TMEM135: variants seen among roughly 807,000 people sequenced by gnomAD.
TMEM135 encodes the protein transmembrane protein 135.
TMEM135 carries 30 observed loss-of-function variants against 60.3 expected under a neutral mutation model. The ratio of observed to expected loss-of-function variants is 0.50; its 90% CI spans 0.37 to 0.68. The LOEUF is 0.68. Ranked by LOEUF, TMEM135 falls within the 30% of genes least tolerant of loss-of-function variation. TMEM135 has a pLI of 0.00. For missense variants in TMEM135, 468 were observed against 548.8 expected (o/e 0.85, Z 1.47); for synonymous variants, 190 against 186.7 (o/e 1.02, Z -0.14).
At chr11:87,230,340 ACAG>A (rs757284697) in intron 5 of TMEM135, among the ~76,000 whole-genome samples, 13 of 152,100 alleles carry the variant, frequency 8.5e-5, no homozygotes, top group Non-Finnish European at 1.6e-4. Flanking sequence ...AAAAGTGAAA[ACAG>A]CAATTTCAGA....
intron 5 of TMEM135, among the ~76,000 whole-genome samples, chr11:87,209,008 C>A (rs1260576338): frequency 6.6e-6 from 1 of 152,154 alleles, no homozygotes; most frequent in Non-Finnish European, 1.5e-5. Flanking sequence ...TTCAGACAAG[C>A]AAACGCTAAA....
At chr11:87,157,516 T>A (rs542126969) in intron 5 of TMEM135, 110 bp downstream of exon 5, 26 of 935,630 alleles carry the variant, frequency 2.8e-5, no homozygotes, top group South Asian at 7.0e-5. Context: ...TAGAGAGATA[T>A]CTGATGTATA....
intron 1 of TMEM135, among the ~76,000 whole-genome samples, chr11:87,045,325 C>T (rs778936590): frequency 9.2e-5 from 14 of 152,146 alleles, no homozygotes; most frequent in South Asian, 4.1e-4. Context: ...CCACCGCACC[C>T]GGCTGAAGTT....
chr11:87,248,145 A>C (rs1219823197), intron 6 of TMEM135, among the ~76,000 whole-genome samples: 1 of 152,160 alleles, frequency 6.6e-6, no homozygotes, highest in Non-Finnish European at 1.5e-5. Flanking sequence ...GTTGTGAATA[A>C]TGCTGCAATA....
chr11:87,228,857 T>C (rs969530647), intron 5 of TMEM135, among the ~76,000 whole-genome samples: 1 of 152,168 alleles, frequency 6.6e-6, no homozygotes, highest in African/African-American at 2.4e-5. Context: ...CATGTTCACA[T>C]TTTTGATATT....
intron 5 of TMEM135, among the ~76,000 whole-genome samples, chr11:87,160,516 C>G (rs1049766088): frequency 6.6e-6 from 1 of 151,998 alleles, no homozygotes; most frequent in Non-Finnish European, 1.5e-5. Context: ...GGATTTGAAC[C>G]CTTGTCTCCA....
chr11:87,325,324 G>A lies in TMEM135; in HGVS notation c.*3991G>A, dbSNP rs1942896655. 2.2e-6 allele frequency: 1 copy of A among 453,994 alleles called. No homozygotes were observed. Among genetic ancestry groups the A allele is most frequent in the Non-Finnish European group, 4.4e-6 (1 of 226,802 alleles). 28.1% of individuals were successfully genotyped at this position (453,994 alleles called of 1,614,324 possible). A position where few individuals can be genotyped will look rare whatever the true frequency, so the allele number is the denominator to read the frequency against. On this transcript the variant is annotated 3_prime_UTR_variant, in exon 15 of 15. Transcript: ENST00000305494. ...GTAAGTTGGCCATGATATAGCTAGT[G>A]TCATAGGACTACAGCAGAGTAGTGA...
At chr11:87,152,181 CAGTT>C (rs1016696697) in intron 4 of TMEM135, among the ~76,000 whole-genome samples, 17 of 152,132 alleles carry the variant, frequency 1.1e-4, no homozygotes, top group Non-Finnish European at 2.5e-4. Flanking sequence ...ACTGTTAAGT[CAGTT>C]ACTCTCTTGT....
chr11:87,137,316 G>T (rs628447), intron 4 of TMEM135, among the ~76,000 whole-genome samples: 72,079 of 151,568 alleles, frequency 0.48, 17,431 homozygotes, highest in East Asian at 0.67. Flanking sequence ...ATTATTGACT[G>T]AGTTAAGTGA....
chr11:87,130,273 T>C (rs1263349100), intron 4 of TMEM135, among the ~76,000 whole-genome samples: 1 of 152,078 alleles, frequency 6.6e-6, no homozygotes, highest in African/African-American at 2.4e-5. Context: ...GCTGATCTTG[T>C]TTCATTTGTG....
chr11:87,286,323 A>AGATACAGAGG (rs1353771556), intron 6 of TMEM135, among the ~76,000 whole-genome samples: 1 of 150,168 alleles, frequency 6.7e-6, no homozygotes, highest in African/African-American at 2.5e-5. Context: ...CAGATTAGCT[A>AGATACAGAGG]GCTACAGAGT....
chr11:87,185,652 G>T (rs2135309120), intron 5 of TMEM135, among the ~76,000 whole-genome samples: 1 of 152,154 alleles, frequency 6.6e-6, no homozygotes, highest in African/African-American at 2.4e-5. Context: ...TGTTTATTAG[G>T]CTTGCAAAAT....
intron 4 of TMEM135, among the ~76,000 whole-genome samples, chr11:87,123,667 G>T (rs569477054): frequency 7.6e-4 from 116 of 152,292 alleles, no homozygotes; most frequent in Middle Eastern, 3.4e-3. Flanking sequence ...AGGTGGTGGG[G>T]TGGATTTAGC....
At chr11:87,285,496 C>T (rs987662312) in intron 6 of TMEM135, among the ~76,000 whole-genome samples, 2 of 151,988 alleles carry the variant, frequency 1.3e-5, no homozygotes, top group Non-Finnish European at 2.9e-5. Context: ...AGCTGCAGAC[C>T]TTCATGGTAA....
chr11:87,278,458 C>T (rs948841018), intron 6 of TMEM135, among the ~76,000 whole-genome samples: 2 of 151,782 alleles, frequency 1.3e-5, no homozygotes, highest in Non-Finnish European at 2.9e-5. Flanking sequence ...CTCCATCTCC[C>T]GGGTTCAAGT....
At chr11:87,057,565 G>A (rs1949905319) in intron 1 of TMEM135, among the ~76,000 whole-genome samples, 1 of 152,258 alleles carries the variant, frequency 6.6e-6, no homozygotes, top group East Asian at 1.9e-4. Context: ...AGAGAATCTT[G>A]CCTTAACTTC....
At chr11:87,137,570 G>T (rs1344117624) in intron 4 of TMEM135, among the ~76,000 whole-genome samples, 1 of 151,964 alleles carries the variant, frequency 6.6e-6, no homozygotes, top group Non-Finnish European at 1.5e-5. Context: ...ATAATATTTG[G>T]TATTATCCCC....
chr11:87,267,348 G>A (rs1180004442), intron 6 of TMEM135, among the ~76,000 whole-genome samples: 1 of 151,958 alleles, frequency 6.6e-6, no homozygotes, highest in Non-Finnish European at 1.5e-5. Flanking sequence ...ATGATAAGTA[G>A]GAAGTCACTT....
intron 5 of TMEM135, among the ~76,000 whole-genome samples, chr11:87,169,074 T>C (rs1939152186): frequency 1.3e-5 from 2 of 152,026 alleles, no homozygotes; most frequent in Admixed American, 1.3e-4. Context: ...TTGTCTCTTT[T>C]GATCTTTGTT....
Sources: gnomAD v4.1 joint callset for allele counts (sites outside exome capture counted in the v4.1 genomes callset) on GRCh38, gnomAD v4.1.1 for gene constraint, MANE v1.5 for transcripts, NCBI Gene and HGNC (gene_info 2026-07-23, HGNC 2026-07-21) for gene names.